Variants in SH3RF2 observed in about 807,000 individuals in gnomAD.
The protein encoded by SH3RF2 is SH3 domain containing ring finger 2, also known as E3 ubiquitin-protein ligase SH3RF2.
A neutral mutation model predicts 59.0 loss-of-function variants in SH3RF2; 43 were observed. The ratio of observed to expected loss-of-function variants is 0.73; its 90% CI spans 0.57 to 0.94. The LOEUF (loss-of-function observed/expected upper bound fraction) is 0.94. Among genes scored for constraint, SH3RF2 ranks in the 40% least tolerant of loss-of-function variants. SH3RF2 has a pLI of 0.00. For missense variants in SH3RF2, 930 were observed against 940.1 expected (o/e 0.99, Z 0.14); for synonymous variants, 391 against 391.5 (o/e 1.00, Z 0.01).
At chr5:146,060,885 T>C (rs1762864247) in intron 9 of SH3RF2, among the ~76,000 whole-genome samples, 1 of 152,198 alleles carries the variant, frequency 6.6e-6, no homozygotes, top group Non-Finnish European at 1.5e-5. Context: ...GTAAAAGGCT[T>C]ATGTTCTCAA....
chr5:145,970,835 G>A (rs1759052841), intron 2 of SH3RF2, among the ~76,000 whole-genome samples: 1 of 152,042 alleles, frequency 6.6e-6, no homozygotes, highest in South Asian at 2.1e-4. Flanking sequence ...TATAGAATTG[G>A]TGTATATCAG....
intron 4 of SH3RF2, among the ~76,000 whole-genome samples, chr5:146,008,486 G>T (rs1031790235): frequency 6.6e-6 from 1 of 152,092 alleles, no homozygotes; most frequent in African/African-American, 2.4e-5. Flanking sequence ...ACAATGGAGG[G>T]GCAGGTGTCC....
chr5:146,005,892 G>A (rs549091036), intron 4 of SH3RF2, among the ~76,000 whole-genome samples: 15 of 151,230 alleles, frequency 9.9e-5, no homozygotes, highest in African/African-American at 3.6e-4. Flanking sequence ...TGAATGAATG[G>A]AAAATAATTG....
chr5:146,036,569 C>T (rs1442396837), intron 5 of SH3RF2, among the ~76,000 whole-genome samples: 2 of 152,102 alleles, frequency 1.3e-5, no homozygotes, highest in Admixed American at 1.3e-4. Flanking sequence ...GTGACACACG[C>T]CTGTAATCCC....
At chr5:145,987,587 A>G (rs1373470363) in intron 2 of SH3RF2, among the ~76,000 whole-genome samples, 1 of 152,214 alleles carries the variant, frequency 6.6e-6, no homozygotes, top group Non-Finnish European at 1.5e-5. Flanking sequence ...CCATGAGGTC[A>G]TAACATAATT....
At chr5:146,028,263 CAAA>C (rs71581848) in intron 5 of SH3RF2, among the ~76,000 whole-genome samples, 42,551 of 149,938 alleles carry the variant, frequency 0.28, 7,707 homozygotes, top group Non-Finnish European at 0.38. Context: ...AACAGAAGGG[CAAA>C]AGAAAGGGAA....
In SH3RF2 at chr5:145,938,229, A is replaced by G. The variant is rs781753618; in HGVS notation, c.301A>G (p.Lys101Glu). Reference sequence around the variant, plus strand: ...CACGATGACCTTGCAGGATGGCAGGAAAAGCAGGACCAACCCCAGACGTCT... The same window carrying G: ...CACGATGACCTTGCAGGATGGCAGGGAAAGCAGGACCAACCCCAGACGTCT... ...PGTMTLQDGR[K>E]SRTNPRRLQA... The change falls in exon 2 of 10, where the codon AAA (lysine) becomes GAA (glutamate). Residue 101 changes from lysine (K) to glutamate (E), a missense_variant. By Grantham distance (56) the Lys-to-Glu change is moderately conservative. Transcript: ENST00000359120. 1.4e-5 allele frequency: 22 copies of G among 1,611,736 alleles called. No homozygotes were observed. Among genetic ancestry groups the G allele is most frequent in the Admixed American group, 1.2e-4 (7 of 59,990 alleles).
intron 9 of SH3RF2, among the ~76,000 whole-genome samples, chr5:146,071,982 TCAGA>T (rs1301948534): frequency 3.3e-5 from 5 of 152,202 alleles, no homozygotes; most frequent in African/African-American, 4.8e-5. Flanking sequence ...CTAGGCTCTA[TCAGA>T]CAGAAGTGAG....
chr5:145,987,942 C>T (rs577067383), intron 2 of SH3RF2, among the ~76,000 whole-genome samples: 8 of 152,200 alleles, frequency 5.3e-5, no homozygotes, highest in Non-Finnish European at 1.0e-4. Context: ...TCAGGGGTCC[C>T]AAGATCACCT....
At chr5:146,021,894 C>G (rs892763139) in intron 5 of SH3RF2, among the ~76,000 whole-genome samples, 1 of 152,184 alleles carries the variant, frequency 6.6e-6, no homozygotes, top group Non-Finnish European at 1.5e-5. Context: ...TAACCTCTGA[C>G]TCACAAGGTT....
chr5:146,018,087 TTTTTAA>T (rs916081189), intron 5 of SH3RF2, among the ~76,000 whole-genome samples: 34 of 152,322 alleles, frequency 2.2e-4, no homozygotes, highest in African/African-American at 7.9e-4. Flanking sequence ...TCTTAGTCTT[TTTTTAA>T]TTTTAATTTT....
chr5:146,030,727 G>T (rs1761711433), intron 5 of SH3RF2, among the ~76,000 whole-genome samples: 1 of 141,462 alleles, frequency 7.1e-6, no homozygotes, highest in South Asian at 2.4e-4. Context: ...GTTAAGAATG[G>T]CTTTTACAGA....
At chr5:146,026,124 A>G (rs1454179473) in intron 5 of SH3RF2, among the ~76,000 whole-genome samples, 2 of 152,214 alleles carry the variant, frequency 1.3e-5, no homozygotes, top group African/African-American at 4.8e-5. Flanking sequence ...ACTAACAGAT[A>G]TGGAGGAGGG....
intron 5 of SH3RF2, among the ~76,000 whole-genome samples, chr5:146,034,195 T>G (rs1761845024): frequency 6.6e-6 from 1 of 152,240 alleles, no homozygotes; most frequent in Non-Finnish European, 1.5e-5. Context: ...CTGAAGGGTT[T>G]TATTCTCCCT....
intron 2 of SH3RF2, among the ~76,000 whole-genome samples, chr5:145,965,282 C>A (rs534674019): frequency 2.9e-4 from 44 of 152,140 alleles, no homozygotes; most frequent in African/African-American, 9.6e-4. Flanking sequence ...AGAAATGGCA[C>A]GGCCTGTTTT....
chr5:145,976,952 C>A (rs1325496366), intron 2 of SH3RF2, among the ~76,000 whole-genome samples: 1 of 152,268 alleles, frequency 6.6e-6, no homozygotes, highest in Non-Finnish European at 1.5e-5. Context: ...TTCCCAGAGT[C>A]TGGCTCATGC....
At chr5:145,990,016 G>T (rs907862610) in intron 2 of SH3RF2, among the ~76,000 whole-genome samples, 1 of 152,132 alleles carries the variant, frequency 6.6e-6, no homozygotes, top group Non-Finnish European at 1.5e-5. Flanking sequence ...ATATGTGCTG[G>T]TTAGGACTGG....
chr5:146,061,372 T>C (rs919089922), intron 9 of SH3RF2, among the ~76,000 whole-genome samples: 3 of 152,104 alleles, frequency 2.0e-5, no homozygotes, highest in Non-Finnish European at 2.9e-5. Context: ...AGCACTGACA[T>C]ATATAAAGGT....
At chr5:145,969,296 T>C (rs73312136) in intron 2 of SH3RF2, among the ~76,000 whole-genome samples, 11,875 of 152,232 alleles carry the variant, frequency 0.078, 1,570 homozygotes, top group African/African-American at 0.27. Context: ...AGAAAAAAAC[T>C]CTCAAGTCTA....
Sources: allele counts gnomAD v4.1 joint callset (sites outside exome capture counted in the v4.1 genomes callset), GRCh38; gene constraint gnomAD v4.1.1; transcripts MANE v1.5; gene names NCBI Gene and HGNC (gene_info 2026-07-23, HGNC 2026-07-21).